Variants in GLRB observed in about 807,000 individuals in gnomAD.
GLRB encodes glycine receptor subunit beta.
GLRB carries 33 observed loss-of-function variants against 54.2 expected under a neutral mutation model. That is an observed-to-expected ratio of 0.61 (90% CI 0.46 to 0.81). GLRB has a LOEUF of 0.81. GLRB is among the 40% of genes least tolerant of loss of function. The pLI is 0.00. For synonymous variants in GLRB, 209 were observed against 208.2 expected, an observed-to-expected ratio of 1.00 and a Z score of -0.03; for missense variants, 572 against 584.6, an observed-to-expected ratio of 0.98 and a Z score of 0.22.
chr4:157,111,528 G>A (rs1456795542), intron 2 of GLRB, among the ~76,000 whole-genome samples: 2 of 151,970 alleles, frequency 1.3e-5, no homozygotes, highest in East Asian at 1.9e-4. Context: ...TAGGGGTGGG[G>A]ATTAGGGCTG....
chr4:157,152,510 A>G (rs999534623), intron 8 of GLRB, among the ~76,000 whole-genome samples: 1 of 152,122 alleles, frequency 6.6e-6, no homozygotes, highest in African/African-American at 2.4e-5. Flanking sequence ...AATCCTAAGT[A>G]TTTACAAAAT....
chr4:157,169,446 T>C (rs2126636163), intron 9 of GLRB, among the ~76,000 whole-genome samples: 1 of 152,258 alleles, frequency 6.6e-6, no homozygotes, highest in Middle Eastern at 3.4e-3. Flanking sequence ...AATATAATTG[T>C]CCTTTTGTAT....
At chr4:157,090,506 G>A (rs73856819) in intron 2 of GLRB, among the ~76,000 whole-genome samples, 2,436 of 152,192 alleles carry the variant, frequency 0.016, 78 homozygotes, top group African/African-American at 0.055. Flanking sequence ...AATTGAAAAA[G>A]GGAAGAGTAT....
chr4:157,163,829 A>AGTGTGTGTGTGTGT (rs3054934), intron 9 of GLRB, among the ~76,000 whole-genome samples: 2,933 of 146,374 alleles, frequency 0.02, 43 homozygotes, highest in African/African-American at 0.037. Context: ...TGTCTGTGTG[A>AGTGTGTGTGTGTGT]GTGTGTGTGT....
rs557551537 is a variant in GLRB, at chr4:157,099,168, A to G, written c.122+21022A>G. Among the ~76,000 whole-genome samples the G allele has an allele frequency of 1.6e-4, 24 of 152,158 alleles. No homozygotes were observed. The South Asian group carries it at 5.0e-3, about 32-fold the overall frequency. ...AGAGGGTCATCCAGGGGTCTTGTCT[A>G]GGTCATATGGGGCAGGGTAGTTATT... is the stretch of plus-strand genomic sequence containing the variant. On this transcript the variant is annotated intron_variant, in intron 2 of 9. Transcript: ENST00000264428.
At chr4:157,168,831 A>G (rs762012705) in intron 9 of GLRB, among the ~76,000 whole-genome samples, 1 of 152,184 alleles carries the variant, frequency 6.6e-6, no homozygotes, top group Non-Finnish European at 1.5e-5. Flanking sequence ...AAGAAATATA[A>G]CATCAATATA....
At chr4:157,092,404 A>G (rs1297121983) in intron 2 of GLRB, among the ~76,000 whole-genome samples, 1 of 152,192 alleles carries the variant, frequency 6.6e-6, no homozygotes, top group Non-Finnish European at 1.5e-5. Context: ...TCTAACTGTA[A>G]TATTCTACAA....
At chr4:157,101,119 G>C (rs1735009520) in intron 2 of GLRB, among the ~76,000 whole-genome samples, 1 of 152,028 alleles carries the variant, frequency 6.6e-6, no homozygotes, top group Admixed American at 6.5e-5. Context: ...TGCATTCAAA[G>C]AACATTTTCC....
At position 157,170,830 on chromosome 4, in the gene GLRB, T is replaced by G; in HGVS notation, c.*102T>G. 1.5e-6 allele frequency: 1 copy of G among 649,836 alleles called. No individual in the cohort carries two copies. Among genetic ancestry groups the G allele is most frequent in the Non-Finnish European group, 2.6e-6 (1 of 388,848 alleles). The allele number at this position is 649,836 out of a possible 1,614,324, so 40.3% of individuals were successfully genotyped here. A position where few individuals can be genotyped will look rare whatever the true frequency, so the allele number is the denominator to read the frequency against. On this transcript the variant is annotated 3_prime_UTR_variant, in exon 10 of 10. Coordinates refer to ENST00000264428, the MANE Select transcript of GLRB (RefSeq NM_000824.5). ...AACTTTTGAATTTTCATAGCAACAT[T>G]GCATTTTGGATGCCATTTGATTGTA...
intron 2 of GLRB, among the ~76,000 whole-genome samples, chr4:157,106,253 G>A (rs4458502): frequency 2.0e-5 from 3 of 151,988 alleles, no homozygotes; most frequent in Non-Finnish European, 4.4e-5. Flanking sequence ...ATTTTTTGCA[G>A]AAAAATCCAC....
intron 2 of GLRB, 169 bp downstream of exon 2, chr4:157,078,315 G>A (rs1734111183): frequency 1.5e-6 from 1 of 656,924 alleles, no homozygotes; most frequent in Admixed American, 6.3e-5. Flanking sequence ...TAGAATGTAA[G>A]AATTAATTCC....
At chr4:157,110,953 T>C (rs1735395591) in intron 2 of GLRB, among the ~76,000 whole-genome samples, 1 of 152,014 alleles carries the variant, frequency 6.6e-6, no homozygotes, top group Admixed American at 6.6e-5. Context: ...GAATGCCAGA[T>C]CTATGATCCA....
At chr4:157,150,462 CT>C (rs1169444952) in intron 8 of GLRB, among the ~76,000 whole-genome samples, 2 of 151,974 alleles carry the variant, frequency 1.3e-5, no homozygotes, top group African/African-American at 2.4e-5. Flanking sequence ...TCTGTCACAC[CT>C]TTTAAAGACA....
At chr4:157,109,750 G>A (rs1443827644) in intron 2 of GLRB, among the ~76,000 whole-genome samples, 1 of 151,946 alleles carries the variant, frequency 6.6e-6, no homozygotes, top group East Asian at 1.9e-4. Context: ...TGATTAATAT[G>A]CTAGAGCAGC....
At chr4:157,169,490 T>C (rs1352102426) in intron 9 of GLRB, among the ~76,000 whole-genome samples, 1 of 152,160 alleles carries the variant, frequency 6.6e-6, no homozygotes, top group Non-Finnish European at 1.5e-5. Context: ...CCCCTGCAGA[T>C]ATCAAAATCT....
chr4:157,094,005 G>A (rs1734715423), intron 2 of GLRB, among the ~76,000 whole-genome samples: 1 of 152,072 alleles, frequency 6.6e-6, no homozygotes, highest in African/African-American at 2.4e-5. Flanking sequence ...GCCTCAATCT[G>A]TCTATGCATG....
chr4:157,092,906 A>G (rs776783825), intron 2 of GLRB, among the ~76,000 whole-genome samples: 5 of 152,200 alleles, frequency 3.3e-5, no homozygotes, highest in Non-Finnish European at 5.9e-5. Flanking sequence ...CAGTAGTCAC[A>G]AAAGGTAGTA....
chr4:157,143,444 G>C (rs112572732), intron 7 of GLRB, among the ~76,000 whole-genome samples: 19 of 151,946 alleles, frequency 1.3e-4, no homozygotes, highest in African/African-American at 4.3e-4. Context: ...ATTTACTACT[G>C]CCTGTATGAC....
intron 8 of GLRB, among the ~76,000 whole-genome samples, chr4:157,147,741 A>G (rs1736865310): frequency 6.6e-6 from 1 of 152,156 alleles, no homozygotes; most frequent in Admixed American, 6.5e-5. Flanking sequence ...GCCCTTTGCT[A>G]GGAGCAAAAT....
Sources: allele counts gnomAD v4.1 joint callset (sites outside exome capture counted in the v4.1 genomes callset), GRCh38; gene constraint gnomAD v4.1.1; transcripts MANE v1.5; gene names NCBI Gene and HGNC (gene_info 2026-07-23, HGNC 2026-07-21).